The following GREB1 variants were observed in gnomAD, a reference collection of about 807,000 sequenced individuals.
The protein encoded by GREB1 is protein GREB1.
In GREB1, 106 loss-of-function variants were observed where a neutral mutation model predicts 200.7. The observed-to-expected ratio is 0.53, with a 90% CI of 0.45 to 0.62. The LOEUF (loss-of-function observed/expected upper bound fraction) is 0.62. GREB1 is among the 20% of genes least tolerant of loss of function. The pLI, the probability that GREB1 is intolerant of heterozygous loss-of-function variation, is 0.00. For synonymous variants in GREB1, 1,132 were observed against 1,092.4 expected (o/e 1.04, Z -0.72); for missense variants, 2,243 against 2,556.8 (o/e 0.88, Z 2.65).
chr2:11,563,195 A>T (rs533061001), intron 3 of GREB1: 1 of 151,898 alleles, frequency 6.6e-6, no homozygotes, highest in African/African-American at 2.4e-5. Context: ...CTGGTCTCGA[A>T]CTCCTGACCT....
Position 11,602,673 on chromosome 2 carries a change from A to G in GREB1, c.2666+131A>G, listed in dbSNP as rs566391698. The G allele has an allele frequency of 1.4e-5, 10 of 726,100 alleles. No individual in the cohort carries two copies. The African/African-American group carries it at 1.8e-4, about 13-fold the overall frequency. 45.0% of individuals were successfully genotyped at this position (726,100 alleles called of 1,614,324 possible). A position where few individuals can be genotyped will look rare whatever the true frequency, so the allele number is the denominator to read the frequency against. On this transcript the variant is annotated intron_variant, in intron 17 of 32. Transcript: ENST00000381486. ...CTGAGCAACTCAGTTTCTCCACTAA[A>G]TGTACCCTGGTTTTTTCCTTCTCCT...
chr2:11,615,213 C>G lies in GREB1; in HGVS notation c.3245C>G (p.Ala1082Gly). ...VSNEVPLEKG[A>G]RNEALESDAE... ...AACGAGGTTCCCTTGGAGAAGGGGG[C>G]TAGGAACGAGGCCTTGGAGAGTGAT... The change falls in exon 20 of 33, where the codon GCT (alanine) becomes GGT (glycine). Residue 1082 changes from alanine (A) to glycine (G), a missense_variant. Ala to Gly is a moderately conservative substitution (Grantham distance 60, BLOSUM62 0). Coordinates refer to ENST00000381486, the MANE Select transcript of GREB1 (RefSeq NM_014668.4). 3.1e-6 allele frequency: 5 copies of G among 1,613,866 alleles called. No individual in the cohort carries two copies. The highest frequency in any genetic ancestry group is 4.2e-6 in the Non-Finnish European group (5 of 1,179,858).
intron 23 of GREB1, among the ~76,000 whole-genome samples, 196 bp from the exon 24 acceptor site, chr2:11,624,958 G>A (rs1684319907): frequency 6.6e-6 from 1 of 152,172 alleles, no homozygotes; most frequent in African/African-American, 2.4e-5. Flanking sequence ...AGACCAGTAG[G>A]CTACACCACA....
chr2:11,621,568 T>A (rs1684017459), intron 23 of GREB1, among the ~76,000 whole-genome samples: 1 of 152,220 alleles, frequency 6.6e-6, no homozygotes, highest in African/African-American at 2.4e-5. Context: ...ACCCCTTTTG[T>A]GCTCATGTAA....
intron 1 of GREB1, among the ~76,000 whole-genome samples, chr2:11,513,796 T>G (rs1006995170): frequency 6.6e-6 from 1 of 152,352 alleles, no homozygotes; most frequent in Admixed American, 6.5e-5. Context: ...TATTGCCATA[T>G]TGGCTGGACA....
At chr2:11,504,954 A>G (rs1673141089) in intron 1 of GREB1, among the ~76,000 whole-genome samples, 1 of 152,062 alleles carries the variant, frequency 6.6e-6, no homozygotes, top group Non-Finnish European at 1.5e-5. Context: ...ATTTTTTGAG[A>G]TAGAGTCTTG....
chr2:11,496,817 A>G (rs902069291), intron 1 of GREB1, among the ~76,000 whole-genome samples: 1 of 152,212 alleles, frequency 6.6e-6, no homozygotes, highest in African/African-American at 2.4e-5. Flanking sequence ...GATACAGAAT[A>G]GTTCCACCCT....
intron 10 of GREB1, among the ~76,000 whole-genome samples, chr2:11,589,249 C>G (rs1182672722): frequency 1.3e-5 from 2 of 152,194 alleles, no homozygotes; most frequent in Non-Finnish European, 2.9e-5. Context: ...AAGCAATAAA[C>G]CAGTGGAAAA....
intron 24 of GREB1, among the ~76,000 whole-genome samples, chr2:11,626,033 A>G (rs755357220): frequency 7.4e-4 from 113 of 152,212 alleles, no homozygotes; most frequent in Non-Finnish European, 1.3e-3. Context: ...TGAGAACAGT[A>G]TTAGGGAAAC....
chr2:11,482,940 C>T (rs1672541184), intron 1 of GREB1, among the ~76,000 whole-genome samples: 1 of 151,150 alleles, frequency 6.6e-6, no homozygotes, highest in Admixed American at 6.6e-5. Flanking sequence ...GGGGCCGCGG[C>T]GGCCGGAGGA....
At chr2:11,554,675 G>T (rs1676260824) in intron 1 of GREB1, among the ~76,000 whole-genome samples, 1 of 152,208 alleles carries the variant, frequency 6.6e-6, no homozygotes, top group Admixed American at 6.5e-5. Context: ...TTACTTTAAA[G>T]ATGAACAGGC....
At chr2:11,490,980 T>C (rs755659863) in intron 1 of GREB1, among the ~76,000 whole-genome samples, 7 of 152,206 alleles carry the variant, frequency 4.6e-5, no homozygotes, top group Non-Finnish European at 8.8e-5. Flanking sequence ...ATTTTACGTG[T>C]CTACCAGCAC....
intron 9 of GREB1, among the ~76,000 whole-genome samples, chr2:11,586,568 C>T (rs1354724649): frequency 6.6e-6 from 1 of 152,202 alleles, no homozygotes; most frequent in African/African-American, 2.4e-5. Context: ...ACCAGAATGG[C>T]TGGCACATGG....
intron 22 of GREB1, 49 bp from the exon 23 acceptor site, chr2:11,620,856 C>T (rs370293380): frequency 1.4e-5 from 16 of 1,106,404 alleles, no homozygotes; most frequent in Middle Eastern, 2.0e-4. Flanking sequence ...GTGCCTGGCA[C>T]GCGGATGGGG....
intron 6 of GREB1, among the ~76,000 whole-genome samples, chr2:11,579,071 A>G (rs1679193312): frequency 6.6e-6 from 1 of 152,242 alleles, no homozygotes; most frequent in Non-Finnish European, 1.5e-5. Context: ...CTTCCCGAGG[A>G]CGCAGGAAGG....
At position 11,618,192 on chromosome 2, in the gene GREB1, GGATGGGT is replaced by G. The variant is rs1558643857; in HGVS notation, c.3413-93_3413-87del. On this transcript the variant is annotated intron_variant, in intron 21 of 32. Transcript: ENST00000381486. ...TGACTCCTGGGACAGGTCACTCCTG[GGATGGGT>G]GACTCCTGGGACAGGTCACTCCTGG... 6.6e-6 allele frequency: 7 copies of G among 1,065,052 alleles called. No homozygotes were observed. The East Asian group carries it at 1.8e-4, about 27-fold the overall frequency. The allele number at this position is 1,065,052 out of a possible 1,614,324, so 66.0% of individuals were successfully genotyped here. A position where few individuals can be genotyped will look rare whatever the true frequency, so the allele number is the denominator to read the frequency against.
At position 11,585,060 on chromosome 2, in the gene GREB1, A is replaced by C. The variant is rs75599647; in HGVS notation, c.902-101A>C. 4.0e-3 allele frequency: 2,347 copies of C among 586,688 alleles called. 41 individuals carry two copies. The highest frequency in any genetic ancestry group is 0.035 in the East Asian group (1,038 of 29,528). 36.3% of individuals were successfully genotyped at this position (586,688 alleles called of 1,614,324 possible). ...CACGTGAATCTGTGATTAGAAAAAAAAAAACAAAACAAAACAGATCATTGT... is the reference window on the plus strand; with the variant it reads ...CACGTGAATCTGTGATTAGAAAAAACAAAACAAAACAAAACAGATCATTGT... On this transcript the variant is annotated intron_variant, in intron 7 of 32. Transcript: ENST00000381486.
At chr2:11,622,307 C>A (rs935138429) in intron 23 of GREB1, among the ~76,000 whole-genome samples, 30 of 152,186 alleles carry the variant, frequency 2.0e-4, no homozygotes, top group African/African-American at 7.2e-4. Flanking sequence ...TCTCAAACTT[C>A]TGACCTCAAG....
In GREB1 at chr2:11,592,762, G is replaced by T. The variant is rs752729465; in HGVS notation, c.1346-14G>T. On this transcript the variant is annotated splice_polypyrimidine_tract_variant and intron_variant, in intron 10 of 32. Coordinates refer to ENST00000381486, the MANE Select transcript of GREB1 (RefSeq NM_014668.4). ...GGCATTTGTGGCAGGCCCTCCGCCC[G>T]CATTGTGTTGCAGCCGCGGACCAGG... 2 of 1,475,872 alleles carry T rather than the reference G, an allele frequency of 1.4e-6. No homozygotes were observed. Among genetic ancestry groups the T allele is most frequent in the East Asian group, 2.6e-5 (1 of 38,444 alleles). 91.4% of individuals were successfully genotyped at this position (1,475,872 alleles called of 1,614,324 possible). A position where few individuals can be genotyped will look rare whatever the true frequency, so the allele number is the denominator to read the frequency against.
Sources: gnomAD v4.1 joint callset for allele counts (sites outside exome capture counted in the v4.1 genomes callset) on GRCh38, gnomAD v4.1.1 for gene constraint, MANE v1.5 for transcripts, NCBI Gene and HGNC (gene_info 2026-07-23, HGNC 2026-07-21) for gene names.